The following SPTLC3 variants were observed in gnomAD, a reference collection of about 807,000 sequenced individuals.
SPTLC3 encodes serine palmitoyltransferase long chain base subunit 3, also known as serine palmitoyltransferase 3.
Under a neutral mutation model 59.3 loss-of-function variants are expected in SPTLC3, and 36 were observed. The observed-to-expected ratio is 0.61, with a 90% CI of 0.47 to 0.80. The LOEUF (loss-of-function observed/expected upper bound fraction) is 0.80. Ranked by LOEUF, SPTLC3 falls within the 30% of genes least tolerant of loss-of-function variation. SPTLC3 has a pLI of 0.00. For missense variants in SPTLC3, 625 were observed against 685.1 expected (o/e 0.91, Z 0.98); for synonymous variants, 257 against 240.8 (o/e 1.07, Z -0.62).
chr20:13,160,270 A>G (rs1001182008), intron 11 of SPTLC3, 138 bp downstream of exon 11: 3 of 1,038,444 alleles, frequency 2.9e-6, no homozygotes, highest in Non-Finnish European at 3.9e-6. Flanking sequence ...AGTCACTGCC[A>G]AAAAACAAGA....
At chr20:13,031,134 A>G (rs1267749149) in intron 1 of SPTLC3, among the ~76,000 whole-genome samples, 2 of 152,162 alleles carry the variant, frequency 1.3e-5, no homozygotes, top group Non-Finnish European at 2.9e-5. Context: ...ATAAAACTTT[A>G]TTACAAAATT....
At chr20:13,119,379 C>T (rs1309125057) in intron 8 of SPTLC3, among the ~76,000 whole-genome samples, 1 of 152,194 alleles carries the variant, frequency 6.6e-6, no homozygotes, top group Non-Finnish European at 1.5e-5. Context: ...AACACCAGTT[C>T]ACCATGATTC....
chr20:13,011,151 C>T (rs148206020), intron 1 of SPTLC3, among the ~76,000 whole-genome samples: 2,104 of 152,198 alleles, frequency 0.014, 54 homozygotes, highest in Admixed American at 0.062. Context: ...ACAAAAAAAA[C>T]CCGGCTGAGA....
intron 1 of SPTLC3, among the ~76,000 whole-genome samples, chr20:13,027,629 C>G (rs75976206): frequency 7.7e-6 from 1 of 129,200 alleles, no homozygotes; most frequent in Non-Finnish European, 1.6e-5. Context: ...CTTCAGTAAT[C>G]TATTTCAGCA....
Position 13,009,673 on chromosome 20 carries a change from G to A in SPTLC3, c.117+289G>A, listed in dbSNP as rs75719889. On this transcript the variant is annotated intron_variant, in intron 1 of 11. Transcript: ENST00000399002. Reference sequence around the variant, plus strand: ...GACTTTTGTCTCAAGCATTTTGCGGGGAGGGAAGAATTAAGAAAGTTCCAA... The same window carrying A: ...GACTTTTGTCTCAAGCATTTTGCGGAGAGGGAAGAATTAAGAAAGTTCCAA... Among the ~76,000 whole-genome samples, 10 of 152,300 alleles carry A rather than the reference G, an allele frequency of 6.6e-5. No homozygotes were observed. The East Asian group carries it at 1.7e-3, about 26-fold the overall frequency.
chr20:13,044,493 G>T (rs6109668), intron 1 of SPTLC3, among the ~76,000 whole-genome samples: 4 of 152,062 alleles, frequency 2.6e-5, no homozygotes, highest in Non-Finnish European at 5.9e-5. Flanking sequence ...CCTTTTGCTA[G>T]AGTCTGGACA....
chr20:13,011,864 T>C (rs1160450374), intron 1 of SPTLC3, among the ~76,000 whole-genome samples: 1 of 152,114 alleles, frequency 6.6e-6, no homozygotes, highest in Non-Finnish European at 1.5e-5. Context: ...CAGGACACTA[T>C]CATACTAGAG....
At chr20:13,083,214 T>C (rs1456034580) in intron 4 of SPTLC3, among the ~76,000 whole-genome samples, 2 of 152,152 alleles carry the variant, frequency 1.3e-5, no homozygotes, top group East Asian at 1.9e-4. Context: ...ATCCAGACTT[T>C]CCCTATTTTT....
At chr20:13,146,729 T>C (rs2038519090) in intron 9 of SPTLC3, among the ~76,000 whole-genome samples, 1 of 152,214 alleles carries the variant, frequency 6.6e-6, no homozygotes, top group African/African-American at 2.4e-5. Context: ...TTTCATCTTC[T>C]ATTGCCACCT....
chr20:13,146,657 A>G (rs2122915667), intron 9 of SPTLC3, among the ~76,000 whole-genome samples: 1 of 152,274 alleles, frequency 6.6e-6, no homozygotes, highest in East Asian at 1.9e-4. Flanking sequence ...TTTTGGTTAT[A>G]TATTATTTGA....
intron 4 of SPTLC3, among the ~76,000 whole-genome samples, chr20:13,088,302 GT>G (rs1216621236): frequency 6.6e-6 from 1 of 151,896 alleles, no homozygotes; most frequent in Non-Finnish European, 1.5e-5. Context: ...TAGAACACTT[GT>G]TTTTTGTTGT....
chr20:13,020,800 T>C (rs1177582106), intron 1 of SPTLC3, among the ~76,000 whole-genome samples: 1 of 152,114 alleles, frequency 6.6e-6, no homozygotes, highest in East Asian at 1.9e-4. Context: ...CACTTACTAA[T>C]TGGGCCATAT....
At chr20:13,046,899 A>G (rs549748534) in intron 1 of SPTLC3, among the ~76,000 whole-genome samples, 1 of 152,318 alleles carries the variant, frequency 6.6e-6, no homozygotes, top group Non-Finnish European at 1.5e-5. Context: ...CTTTTACTCA[A>G]GACTGCCTAT....
At chr20:13,045,052 A>G (rs1490709005) in intron 1 of SPTLC3, among the ~76,000 whole-genome samples, 1 of 151,484 alleles carries the variant, frequency 6.6e-6, no homozygotes, top group Admixed American at 6.6e-5. Context: ...TGCACTATCA[A>G]TTCTGGGGAA....
chr20:13,129,193 G>C (rs995140983), intron 9 of SPTLC3, among the ~76,000 whole-genome samples: 1 of 152,012 alleles, frequency 6.6e-6, no homozygotes, highest in African/African-American at 2.4e-5. Flanking sequence ...GTCGAGACGG[G>C]GTTTCACCAC....
At chr20:13,132,290 C>A (rs1016435273) in intron 9 of SPTLC3, among the ~76,000 whole-genome samples, 21 of 150,124 alleles carry the variant, frequency 1.4e-4, no homozygotes, top group Non-Finnish European at 4.4e-5. Flanking sequence ...GACTCTTGTG[C>A]CTCAGCCTCC....
At chr20:13,117,758 C>A in intron 8 of SPTLC3, 33 bp downstream of exon 8, 1 of 1,566,174 alleles carries the variant, frequency 6.4e-7, no homozygotes, top group Non-Finnish European at 8.7e-7. Context: ...CTGTTTAAAA[C>A]CTGAGCGCCC....
intron 1 of SPTLC3, among the ~76,000 whole-genome samples, chr20:13,022,286 A>G (rs1359942954): frequency 2.0e-5 from 3 of 151,730 alleles, no homozygotes; most frequent in African/African-American, 7.3e-5. Flanking sequence ...TCCCTCAGCA[A>G]CTCCCTGGTC....
intron 6 of SPTLC3, among the ~76,000 whole-genome samples, chr20:13,100,369 G>A (rs181749076): frequency 4.6e-5 from 7 of 152,174 alleles, no homozygotes; most frequent in Admixed American, 2.0e-4. Flanking sequence ...TCAGAACACC[G>A]AAAGTCTATT....
Sources: gnomAD v4.1 joint callset for allele counts (sites outside exome capture counted in the v4.1 genomes callset) on GRCh38, gnomAD v4.1.1 for gene constraint, MANE v1.5 for transcripts, NCBI Gene and HGNC (gene_info 2026-07-23, HGNC 2026-07-21) for gene names.